Variants in STK3 observed in about 807,000 individuals in gnomAD.
The protein encoded by STK3 is serine/threonine kinase 3.
A neutral mutation model predicts 58.0 loss-of-function variants in STK3; 41 were observed. That is an observed-to-expected ratio of 0.71 (90% CI 0.55 to 0.92). The LOEUF is 0.92. Ranked by LOEUF, STK3 falls within the 40% of genes least tolerant of loss-of-function variation. The probability of loss-of-function intolerance (pLI) is 0.00; values close to 1 mark genes in which losing one functional copy is unlikely to be tolerated. For missense variants in STK3, 479 were observed against 602.7 expected (o/e 0.79, Z 2.15); for synonymous variants, 170 against 191.0 (o/e 0.89, Z 0.91).
At chr8:98,562,519 T>C (rs1251259920) in intron 8 of STK3, among the ~76,000 whole-genome samples, 2 of 151,826 alleles carry the variant, frequency 1.3e-5, no homozygotes, top group East Asian at 3.9e-4. Flanking sequence ...GGGGGAGAGT[T>C]GATTATGTGA....
At chr8:98,687,595 C>A (rs755226269) in intron 6 of STK3, among the ~76,000 whole-genome samples, 14 of 152,138 alleles carry the variant, frequency 9.2e-5, no homozygotes, top group Non-Finnish European at 1.5e-5. Flanking sequence ...CAGCACAAAT[C>A]CTACAAACCA....
chr8:98,870,559 A>G (rs1004289617), intron 3 of STK3, among the ~76,000 whole-genome samples: 8 of 152,196 alleles, frequency 5.3e-5, no homozygotes, highest in African/African-American at 1.9e-4. Flanking sequence ...ATGGTATCTC[A>G]TTGTGGTTTT....
intron 1 of STK3, among the ~76,000 whole-genome samples, chr8:98,447,955 TATA>T (rs143901845): frequency 0.042 from 5,947 of 141,990 alleles, 147 homozygotes; most frequent in South Asian, 0.062. Flanking sequence ...AAACTTAAAG[TATA>T]ATAATAATAA....
Position 98,764,959 on chromosome 8 carries a change from T to C in STK3, c.236+2284A>G, listed in dbSNP as rs116114574. On this transcript the variant is annotated intron_variant, in intron 3 of 10. Coordinates refer to ENST00000419617, the MANE Select transcript of STK3 (RefSeq NM_006281.4). Reference sequence around the variant, plus strand: ...CAGGGAATGCTTGATTACATTTGCATTTTGGAAAGAACGCTCTAGCTTCAA... The same window carrying C: ...CAGGGAATGCTTGATTACATTTGCACTTTGGAAAGAACGCTCTAGCTTCAA... Among the ~76,000 whole-genome samples, 355 of 152,224 alleles carry C rather than the reference T, an allele frequency of 2.3e-3. 1 individual carries two copies. Among genetic ancestry groups the C allele is most frequent in the African/African-American group, 8.3e-3 (344 of 41,516 alleles).
At position 98,460,550 on chromosome 8, in the gene STK3, G is replaced by GA. The variant is rs561148994; in HGVS notation, c.1318-4551dup. Among the ~76,000 whole-genome samples the GA allele has an allele frequency of 4.4e-3, 667 of 152,320 alleles. 5 individuals carry two copies. Among genetic ancestry groups the GA allele is most frequent in the African/African-American group, 0.014 (602 of 41,580 alleles). On this transcript the variant is annotated intron_variant, in intron 10 of 10. Coordinates refer to ENST00000419617, the MANE Select transcript of STK3 (RefSeq NM_006281.4). ...TGAGATTTGGGAGGAGCCAGGGGCA[G>GA]AATGATATGGTTTGGCTGTGTCCCC...
chr8:98,413,685 A>G, intron 3 of STK3: 1 of 951,024 alleles, frequency 1.1e-6, no homozygotes, highest in East Asian at 2.6e-5. Context: ...AGTGTGCACC[A>G]CAAATTGGTT....
At chr8:98,589,641 T>C (rs548211912) in intron 7 of STK3, among the ~76,000 whole-genome samples, 2 of 152,370 alleles carry the variant, frequency 1.3e-5, no homozygotes, top group African/African-American at 2.4e-5. Context: ...TCGAGCTTCC[T>C]GGCTGCTTTG....
rs1216494458 is a variant in STK3, at chr8:98,620,406, T to A, written c.685-24237A>T. On this transcript the variant is annotated intron_variant, in intron 6 of 10. Transcript: ENST00000419617. ...GGGTGCAGCACACCAGCATGGCACA[T>A]GTATACATATGTAACTAACCTGCAC... Among the ~76,000 whole-genome samples the A allele has an allele frequency of 9.7e-5, 14 of 143,932 alleles. 2 individuals carry two copies. In the South Asian group the frequency reaches 3.1e-3, roughly 32 times the overall value. The allele number at this position is 143,932 out of a possible 152,430, so 94.4% of individuals were successfully genotyped here. A position where few individuals can be genotyped will look rare whatever the true frequency, so the allele number is the denominator to read the frequency against.
chr8:98,789,827 G>A (rs895720377), intron 1 of STK3, among the ~76,000 whole-genome samples: 2 of 152,118 alleles, frequency 1.3e-5, no homozygotes, highest in Non-Finnish European at 2.9e-5. Context: ...AGGAGTTCAA[G>A]ACCAGCCTGC....
At chr8:98,383,718 A>T (rs142255109) in intron 1 of STK3, among the ~76,000 whole-genome samples, 151 of 152,358 alleles carry the variant, frequency 9.9e-4, no homozygotes, top group African/African-American at 3.3e-3. Flanking sequence ...TAGTTGTACC[A>T]TGTTGTGCTC....
chr8:98,606,190 T>C (rs1248111650), intron 6 of STK3: 1 of 152,174 alleles, frequency 6.6e-6, no homozygotes, highest in Non-Finnish European at 1.5e-5. Context: ...CAGGCTAGTA[T>C]GATACTGCTG....
At chr8:98,377,843 C>T (rs1298982479) in intron 2 of STK3, among the ~76,000 whole-genome samples, 1 of 152,166 alleles carries the variant, frequency 6.6e-6, no homozygotes, top group Non-Finnish European at 1.5e-5. Context: ...CGAGGCTTTG[C>T]AGAATGTGGA....
chr8:98,638,322 C>T (rs973916350), intron 6 of STK3: 5 of 152,094 alleles, frequency 3.3e-5, no homozygotes, highest in Non-Finnish European at 2.9e-5. Context: ...CTTATTTAGC[C>T]TAATTTTTTT....
intron 6 of STK3, among the ~76,000 whole-genome samples, chr8:98,691,263 A>G (rs1023055786): frequency 6.6e-6 from 1 of 152,238 alleles, no homozygotes; most frequent in Admixed American, 6.5e-5. Context: ...AATAATTTCC[A>G]AAGAATATGA....
chr8:98,835,800 C>T (rs565958956), intron 3 of STK3, among the ~76,000 whole-genome samples: 93 of 152,320 alleles, frequency 6.1e-4, no homozygotes, highest in Non-Finnish European at 5.0e-4. Flanking sequence ...TGGGGGGCCT[C>T]TTCCTTGGAT....
At chr8:98,670,643 G>A (rs1419447569) in intron 6 of STK3, among the ~76,000 whole-genome samples, 1 of 152,086 alleles carries the variant, frequency 6.6e-6, no homozygotes, top group Non-Finnish European at 1.5e-5. Flanking sequence ...TTCCCAACTG[G>A]TTCTTTCTGA....
At chr8:98,904,763 T>A (rs1838822234) in intron 1 of STK3, 4 of 747,282 alleles carry the variant, frequency 5.4e-6, no homozygotes, top group Non-Finnish European at 9.3e-6. Context: ...ATGACGCGGT[T>A]CCACAATAGG....
chr8:98,346,004 C>T, the STK3 span, among the ~76,000 whole-genome samples: 14 of 151,926 alleles, frequency 9.2e-5, no homozygotes, highest in East Asian at 3.9e-4. Context: ...CAGAGCTGTC[C>T]GGGCATGGTG....
intron 4 of STK3, chr8:98,721,216 A>G: frequency 1.5e-6 from 1 of 675,042 alleles, no homozygotes; most frequent in Non-Finnish European, 1.8e-6. Context: ...TACTTAGAAG[A>G]AAACCAAAGT....
Sources: gnomAD v4.1 joint callset for allele counts (sites outside exome capture counted in the v4.1 genomes callset) on GRCh38, gnomAD v4.1.1 for gene constraint, MANE v1.5 for transcripts, NCBI Gene and HGNC (gene_info 2026-07-23, HGNC 2026-07-21) for gene names.